The following MIB1 variants were observed in gnomAD, a reference collection of about 807,000 sequenced individuals.
MIB1 encodes the protein E3 ubiquitin-protein ligase MIB1.
A neutral mutation model predicts 124.5 loss-of-function variants in MIB1; 278 were observed. The observed-to-expected ratio is 2.23, with a 90% CI of 2.02 to 2.47. The LOEUF (loss-of-function observed/expected upper bound fraction) is 2.47, where lower values mean the gene tolerates loss of function less well. Among genes scored for constraint, MIB1 ranks in the 30% most tolerant of loss-of-function variants. The pLI is 0.00. For synonymous variants in MIB1, 446 were observed against 429.4 expected (o/e 1.04, Z -0.48); for missense variants, 957 against 1,254.4 (o/e 0.76, Z 3.58).
chr18:21,833,893 C>T (rs551788608), intron 12 of MIB1, among the ~76,000 whole-genome samples: 3 of 152,172 alleles, frequency 2.0e-5, no homozygotes, highest in Non-Finnish European at 4.4e-5. Context: ...TTTAAAACAT[C>T]CATGTCCTTA....
At chr18:21,829,046 A>G (rs769775097) in intron 12 of MIB1, 3 of 484,716 alleles carry the variant, frequency 6.2e-6, no homozygotes, top group East Asian at 6.1e-5. Context: ...ATAGCATTGT[A>G]TGTTCATATG....
intron 16 of MIB1, among the ~76,000 whole-genome samples, chr18:21,848,230 C>T (rs1011220741): frequency 1.6e-4 from 25 of 152,114 alleles, no homozygotes; most frequent in Admixed American, 3.9e-4. Context: ...GAGGCCGAGG[C>T]AGGTGGATTG....
Position 21,765,770 on chromosome 18 carries a change from A to C in MIB1, c.230-2A>C. 6.2e-7 allele frequency: 1 copy of C among 1,611,410 alleles called. No homozygotes were observed. Among genetic ancestry groups the C allele is most frequent in the Non-Finnish European group, 8.5e-7 (1 of 1,178,226 alleles). On this transcript the variant is annotated splice_acceptor_variant, in intron 1 of 20. Coordinates refer to ENST00000261537, the MANE Select transcript of MIB1 (RefSeq NM_020774.4). LOFTEE classifies it high-confidence loss of function. Reference sequence around the variant, plus strand: ...TCTGAGCATGTGTCCTTGTTTTAATAGGCATCAAGCATGATGGAACCATGT... The same window carrying C: ...TCTGAGCATGTGTCCTTGTTTTAATCGGCATCAAGCATGATGGAACCATGT...
At chr18:21,859,606 G>A (rs762086492) in intron 20 of MIB1, among the ~76,000 whole-genome samples, 2 of 151,506 alleles carry the variant, frequency 1.3e-5, no homozygotes, top group Non-Finnish European at 2.9e-5. Context: ...TAATAGAAAG[G>A]GGCCGGGCGT....
At position 21,838,498 on chromosome 18, in the gene MIB1, G is replaced by A. The variant is rs768679224; in HGVS notation, c.1962+1G>A. 1.9e-6 allele frequency: 3 copies of A among 1,582,382 alleles called. No individual in the cohort carries two copies. Among genetic ancestry groups the A allele is most frequent in the African/African-American group, 1.4e-5 (1 of 73,326 alleles). ...AGTGGCTGAACTGTTGGTACATCAG[G>A]TAAGAAAAGAGTTAAATAATTCCCT... is the stretch of plus-strand genomic sequence containing the variant. On this transcript the variant is annotated splice_donor_variant, in intron 13 of 20. Coordinates refer to ENST00000261537, the MANE Select transcript of MIB1 (RefSeq NM_020774.4). LOFTEE classifies it high-confidence loss of function.
chr18:21,820,196 C>T (rs1042257670), intron 12 of MIB1, among the ~76,000 whole-genome samples: 18 of 152,246 alleles, frequency 1.2e-4, no homozygotes, highest in African/African-American at 3.1e-4. Flanking sequence ...GAAGGATCTG[C>T]GGTGTCCCAC....
At chr18:21,735,473 GTTTTTTT>G (rs541103508) in intron 1 of MIB1, among the ~76,000 whole-genome samples, 1 of 145,434 alleles carries the variant, frequency 6.9e-6, no homozygotes, top group Non-Finnish European at 1.5e-5. Context: ...AGCTGCAAGG[GTTTTTTT>G]TTTTTTTCAT....
At chr18:21,723,406 TG>T (rs2040723573) in intron 1 of MIB1, among the ~76,000 whole-genome samples, 1 of 152,182 alleles carries the variant, frequency 6.6e-6, no homozygotes, top group African/African-American at 2.4e-5. Flanking sequence ...AACCAAGATG[TG>T]GGTTCTGAGT....
At chr18:21,779,758 T>G in intron 6 of MIB1, 73 bp downstream of exon 6, 1 of 1,224,624 alleles carries the variant, frequency 8.2e-7, no homozygotes. Flanking sequence ...AGAAAGCAAA[T>G]AAAGTGATAC....
intron 17 of MIB1, among the ~76,000 whole-genome samples, chr18:21,850,445 T>C (rs1376614049): frequency 6.6e-6 from 1 of 152,174 alleles, no homozygotes; most frequent in Non-Finnish European, 1.5e-5. Flanking sequence ...AGAAAGGAGC[T>C]GTTAGTAATT....
chr18:21,778,154 C>A lies in MIB1; in HGVS notation c.688C>A (p.His230Asn), dbSNP rs1806221122. 1 of 1,607,134 alleles carries A rather than the reference C, an allele frequency of 6.2e-7. No homozygotes were observed. Among genetic ancestry groups the A allele is most frequent in the Non-Finnish European group, 8.5e-7 (1 of 1,174,052 alleles). The change falls in exon 5 of 21, where the codon CAC becomes AAC. Residue 230 changes from histidine (H) to asparagine (N), a missense_variant. By Grantham distance (68) the His-to-Asn change is moderately conservative (BLOSUM62 1). Coordinates refer to ENST00000261537, the MANE Select transcript of MIB1 (RefSeq NM_020774.4). ...CAAGGGAGGTTCTTTCTACAGAGAT[C>A]ACTGCCCTGTGCTAGGTGAGTGAGA... is the stretch of plus-strand genomic sequence containing the variant. ...DAKGGSFYRD[H>N]CPVLGEQNGN...
intron 20 of MIB1, among the ~76,000 whole-genome samples, chr18:21,861,866 A>G (rs1598647990): frequency 2.0e-5 from 3 of 152,268 alleles, no homozygotes; most frequent in Admixed American, 2.0e-4. Context: ...AAAATTTAAT[A>G]GACATGAAAT....
intron 12 of MIB1, among the ~76,000 whole-genome samples, chr18:21,836,398 T>G (rs1476237534): frequency 1.3e-5 from 2 of 151,500 alleles, no homozygotes; most frequent in Non-Finnish European, 2.9e-5. Context: ...AAACAAAAAG[T>G]TTTTAATCAA....
chr18:21,710,299 G>T (rs929863016), intron 1 of MIB1, among the ~76,000 whole-genome samples: 1 of 151,764 alleles, frequency 6.6e-6, no homozygotes, highest in South Asian at 2.1e-4. Context: ...TCACCATATT[G>T]GCCAGGCTGG....
intron 1 of MIB1, among the ~76,000 whole-genome samples, chr18:21,763,268 T>C (rs1015983105): frequency 2.0e-5 from 3 of 152,200 alleles, no homozygotes; most frequent in African/African-American, 7.2e-5. Context: ...ACGCTTGTTT[T>C]TACCATTTGA....
At chr18:21,798,782 G>T (rs1197889703) in intron 8 of MIB1, among the ~76,000 whole-genome samples, 1 of 151,968 alleles carries the variant, frequency 6.6e-6, no homozygotes, top group African/African-American at 2.4e-5. Flanking sequence ...TCTTTCCTGT[G>T]CTCCAGCTTT....
upstream of MIB1, among the ~76,000 whole-genome samples, chr18:21,736,271 C>T (rs193257409): frequency 5.6e-4 from 86 of 152,264 alleles, no homozygotes; most frequent in Non-Finnish European, 1.0e-3. Context: ...TGCCAGCAGA[C>T]CTGCAGCAGA....
intron 7 of MIB1, 57 bp from the exon 8 acceptor site, chr18:21,798,027 T>C: frequency 6.5e-7 from 1 of 1,530,192 alleles, no homozygotes; most frequent in Non-Finnish European, 8.9e-7. Flanking sequence ...AAACTAGTGA[T>C]TGACTTTATG....
At chr18:21,755,711 A>G (rs542618815) in intron 1 of MIB1, among the ~76,000 whole-genome samples, 9 of 152,366 alleles carry the variant, frequency 5.9e-5, no homozygotes, top group African/African-American at 2.2e-4. Flanking sequence ...AATGGAAAAC[A>G]GCAGATAGTC....
Sources: gnomAD v4.1 joint callset for allele counts (sites outside exome capture counted in the v4.1 genomes callset) on GRCh38, gnomAD v4.1.1 for gene constraint, MANE v1.5 for transcripts, NCBI Gene and HGNC (gene_info 2026-07-23, HGNC 2026-07-21) for gene names.